Variants in CIB3 observed in about 807,000 individuals in gnomAD.
The protein encoded by CIB3 is calcium and integrin binding family member 3, also known as calcium and integrin-binding family member 3.
CIB3 carries 22 observed loss-of-function variants against 23.4 expected under a neutral mutation model. That is an observed-to-expected ratio of 0.94 (90% CI 0.67 to 1.34). The LOEUF (loss-of-function observed/expected upper bound fraction) is 1.34, where lower values mean the gene tolerates loss of function less well. Among genes scored for constraint, CIB3 ranks in the 40% most tolerant of loss-of-function variants. CIB3 has a pLI of 0.00. For synonymous variants in CIB3, 93 were observed against 95.8 expected, an observed-to-expected ratio of 0.97 and a Z score of 0.17; for missense variants, 258 against 247.3, an observed-to-expected ratio of 1.04 and a Z score of -0.29.
chr19:16,173,278 C>T (rs2091338245), intron 1 of CIB3, 82 bp from the exon 2 acceptor site: 2 of 1,602,924 alleles, frequency 1.2e-6, no homozygotes, highest in East Asian at 2.2e-5. Flanking sequence ...CCCACACTCA[C>T]ACAGATGGCC....
chr19:16,173,057 C>T, intron 2 of CIB3, 105 bp downstream of exon 2: 1 of 1,244,156 alleles, frequency 8.0e-7, no homozygotes, highest in Non-Finnish European at 1.2e-6. Flanking sequence ...CACACACACA[C>T]ACACACACAC....
At chr19:16,168,532 T>C (rs1404922584) in intron 3 of CIB3, among the ~76,000 whole-genome samples, 1 of 152,166 alleles carries the variant, frequency 6.6e-6, no homozygotes, top group Non-Finnish European at 1.5e-5. Flanking sequence ...AATCAGAGAG[T>C]TCCATTCACC....
intron 2 of CIB3, among the ~76,000 whole-genome samples, chr19:16,171,439 G>A (rs1006730531): frequency 6.6e-6 from 1 of 152,078 alleles, no homozygotes; most frequent in African/African-American, 2.4e-5. Flanking sequence ...AAGCTGCTAG[G>A]GACTGTCTCT....
Position 16,173,216 on chromosome 19 carries a change from C to T in CIB3, c.52-20G>A. ...GCAGTCCTGTGGAGAGAGGTGTTGT[C>T]TTAACCCGAACCCTGCCTCTGGGGC... On this transcript the variant is annotated intron_variant, in intron 1 of 5. Transcript: ENST00000269878. The T allele has an allele frequency of 6.2e-7, 1 of 1,614,050 alleles. No individual in the cohort carries two copies. Among genetic ancestry groups the T allele is most frequent in the Non-Finnish European group, 8.5e-7 (1 of 1,179,992 alleles).
chr19:16,168,653 G>T (rs559262847), intron 3 of CIB3, among the ~76,000 whole-genome samples: 1 of 152,308 alleles, frequency 6.6e-6, no homozygotes, highest in South Asian at 2.1e-4. Context: ...GATTACTGCT[G>T]CTTGCAAAGC....
In CIB3 at chr19:16,161,432, G is replaced by A. The variant is rs757351730; in HGVS notation, c.*33C>T. ...TCCACAGCGGGTGAGGGGTCACCCCGCCCTCCTATAGCTCGGCTCCTCTGT... is the reference window on the plus strand; with the variant it reads ...TCCACAGCGGGTGAGGGGTCACCCCACCCTCCTATAGCTCGGCTCCTCTGT... On this transcript the variant is annotated 3_prime_UTR_variant, in exon 6 of 6. Coordinates refer to ENST00000269878, the MANE Select transcript of CIB3 (RefSeq NM_054113.4). 1.0e-4 allele frequency: 166 copies of A among 1,612,404 alleles called. 2 individuals carry two copies. In the South Asian group the frequency reaches 1.5e-3, roughly 15 times the overall value.
intron 2 of CIB3, 88 bp downstream of exon 2, chr19:16,173,073 CA>C: frequency 6.7e-7 from 1 of 1,486,000 alleles, no homozygotes; most frequent in South Asian, 1.1e-5. Context: ...CACACACACA[CA>C]CACACACACA....
At chr19:16,162,611 G>A (rs556533225) in intron 5 of CIB3, among the ~76,000 whole-genome samples, 14 of 151,754 alleles carry the variant, frequency 9.2e-5, no homozygotes, top group Admixed American at 2.6e-4. Flanking sequence ...AAAATTAACC[G>A]GGCGTGGTGG....
At chr19:16,173,117 A>G in intron 2 of CIB3, 45 bp downstream of exon 2, 1 of 1,613,294 alleles carries the variant, frequency 6.2e-7, no homozygotes, top group Non-Finnish European at 8.5e-7. Flanking sequence ...CAATGAATAG[A>G]AAGTTGTTTT....
intron 5 of CIB3, 73 bp from the exon 6 acceptor site, chr19:16,161,559 G>C: frequency 1.3e-6 from 2 of 1,531,230 alleles, no homozygotes; most frequent in South Asian, 1.1e-5. Context: ...CCCTCAACAC[G>C]CTCACGGCAA....
At chr19:16,166,109 T>C (rs2145080062) in intron 4 of CIB3, among the ~76,000 whole-genome samples, 1 of 152,214 alleles carries the variant, frequency 6.6e-6, no homozygotes, top group East Asian at 1.9e-4. Flanking sequence ...CTGGCCAACA[T>C]GGTGAAACCC....
intron 4 of CIB3, among the ~76,000 whole-genome samples, chr19:16,165,218 G>A (rs185285463): frequency 4.0e-5 from 6 of 150,256 alleles, no homozygotes; most frequent in Admixed American, 6.6e-5. Flanking sequence ...ACTTGAGCCC[G>A]GGAGGTGGAG....
At position 16,173,409 on chromosome 19, in the gene CIB3, T is replaced by A; in HGVS notation, c.51+16A>T. 6.2e-7 allele frequency: 1 copy of A among 1,612,348 alleles called. No homozygotes were observed. Among genetic ancestry groups the A allele is most frequent in the Non-Finnish European group, 8.5e-7 (1 of 1,178,416 alleles). On this transcript the variant is annotated intron_variant, in intron 1 of 5. Coordinates refer to ENST00000269878, the MANE Select transcript of CIB3 (RefSeq NM_054113.4). Reference sequence around the variant, plus strand: ...AGTTGTCAAACCCACTGAGGACCCATCCTGCCCCCCTCTACCTGATACGCT... The same window carrying A: ...AGTTGTCAAACCCACTGAGGACCCAACCTGCCCCCCTCTACCTGATACGCT...
At position 16,164,831 on chromosome 19, in the gene CIB3, C is replaced by T. The variant is rs2091298781; in HGVS notation, c.429G>A (p.Glu143=). The change falls in exon 5 of 6, where the codon GAG becomes GAA. Residue 143 remains glutamate (E), a synonymous_variant. Coordinates refer to ENST00000269878, the MANE Select transcript of CIB3 (RefSeq NM_054113.4). ...TKLTRGGLSA[E]EVSLVCEKVL... ...CCTTCTCACATACCAGGCTCACCTC[C>T]TCGGCACTCAGCCCCCCCCGCGTCA... The T allele has an allele frequency of 6.2e-7, 1 of 1,613,990 alleles. No homozygotes were observed.
chr19:16,170,727 C>A (rs1278140868), intron 2 of CIB3, among the ~76,000 whole-genome samples: 1 of 151,692 alleles, frequency 6.6e-6, no homozygotes, highest in African/African-American at 2.4e-5. Context: ...GAGGCCGAGG[C>A]AGGAGAATCA....
rs1009285431 is a variant in CIB3, at chr19:16,169,785, G to A, written c.87-44C>T. ...AGCTGGGAAAGACTGGGAGCAGGGAGCAGGCAAGACGCTTGTCCCTTCTTT... is the reference window on the plus strand; with the variant it reads ...AGCTGGGAAAGACTGGGAGCAGGGAACAGGCAAGACGCTTGTCCCTTCTTT... On this transcript the variant is annotated intron_variant, in intron 2 of 5. Coordinates refer to ENST00000269878, the MANE Select transcript of CIB3 (RefSeq NM_054113.4). 7 of 1,515,638 alleles carry A rather than the reference G, an allele frequency of 4.6e-6. No homozygotes were observed. In the East Asian group the frequency reaches 1.6e-4, roughly 35 times the overall value. 93.9% of individuals were successfully genotyped at this position (1,515,638 alleles called of 1,614,324 possible).
At chr19:16,163,805 T>C (rs921600807) in intron 5 of CIB3, among the ~76,000 whole-genome samples, 1 of 152,158 alleles carries the variant, frequency 6.6e-6, no homozygotes, top group African/African-American at 2.4e-5. Context: ...CTTTATACCA[T>C]GACGCAACTC....
chr19:16,168,057 T>C (rs2091312656), intron 4 of CIB3, 80 bp downstream of exon 4: 1 of 1,513,102 alleles, frequency 6.6e-7, no homozygotes, highest in Admixed American at 2.0e-5. Flanking sequence ...GGGGAGATAT[T>C]TGTGATGTGG....
At chr19:16,164,661 G>T in intron 5 of CIB3, 57 bp downstream of exon 5, 1 of 1,474,390 alleles carries the variant, frequency 6.8e-7, no homozygotes, top group Non-Finnish European at 9.4e-7. Context: ...TGAACTGTCT[G>T]CGTAAGAGCC....
Sources: allele counts gnomAD v4.1 joint callset (sites outside exome capture counted in the v4.1 genomes callset), GRCh38; gene constraint gnomAD v4.1.1; transcripts MANE v1.5; gene names NCBI Gene and HGNC (gene_info 2026-07-23, HGNC 2026-07-21).